ICE2: variants seen among roughly 807,000 people sequenced by gnomAD.
The protein encoded by ICE2 is interactor of little elongation complex ELL subunit 2, also known as little elongation complex subunit 2.
ICE2 carries 87 observed loss-of-function variants against 105.4 expected under a neutral mutation model. The observed-to-expected ratio is 0.83, with a 90% CI of 0.69 to 0.99. ICE2 has a LOEUF of 0.99. Among genes scored for constraint, ICE2 ranks in the 50% least tolerant of loss-of-function variants. The pLI is 0.00. For missense variants in ICE2, 1,323 were observed against 1,146.7 expected (o/e 1.15, Z -2.22); for synonymous variants, 399 against 392.0 (o/e 1.02, Z -0.21).
At chr15:60,439,375 CTTTT>C (rs2063669520) in intron 12 of ICE2, 1 of 152,138 alleles carries the variant, frequency 6.6e-6, no homozygotes, top group Admixed American at 6.5e-5. Flanking sequence ...TGCATCTTTT[CTTTT>C]TCTTTTTTTT....
At chr15:60,478,790 G>A (rs1052592707) in intron 1 of ICE2, 5 of 362,384 alleles carry the variant, frequency 1.4e-5, no homozygotes, top group Non-Finnish European at 2.2e-5. Flanking sequence ...AGAAACGGCT[G>A]AGGGAAAGGG....
intron 11 of ICE2, chr15:60,445,832 G>A: frequency 9.5e-6 from 9 of 950,456 alleles, no homozygotes; most frequent in Non-Finnish European, 7.5e-6. Context: ...CACAGAGTAG[G>A]AAGTTAAAGA....
chr15:60,468,236 A>C lies in ICE2; in HGVS notation c.233T>G (p.Val78Gly). Residue 78 changes from valine (V) to glycine (G), a missense_variant, in exon 4 of 16, where the codon GTT becomes GGT. Transcript: ENST00000261520. ...VSSATQAKEKVKTTIGMVLLP... is the reference protein window; with the variant it reads ...VSSATQAKEKGKTTIGMVLLP... ...AAGAACCATTCCAATTGTGGTTTTA[A>C]CTTTTTCCTTTGCTTGAGTTGCTGA... The C allele has an allele frequency of 1.2e-6, 2 of 1,613,968 alleles. No individual in the cohort carries two copies. The highest frequency in any genetic ancestry group is 1.7e-6 in the Non-Finnish European group (2 of 1,179,898).
intron 5 of ICE2, among the ~76,000 whole-genome samples, chr15:60,460,715 C>G (rs528654912): frequency 6.6e-6 from 1 of 152,272 alleles, no homozygotes; most frequent in South Asian, 2.1e-4. Context: ...GCACCCCTAC[C>G]AAGCTCTAGA....
Position 60,436,440 on chromosome 15 carries a change from C to G in ICE2, c.2426-213G>C, listed in dbSNP as rs1335501606. On this transcript the variant is annotated intron_variant, in intron 12 of 15. Transcript: ENST00000261520. ...AGATTATAAAACATTTATATTCATT[C>G]TAAAATATTTGCTGAATATATGTTT... 2.0e-5 allele frequency among the ~76,000 whole-genome samples: 3 copies of G among 149,646 alleles called. 1 individual carries two copies. The highest frequency in any genetic ancestry group is 4.5e-5 in the Non-Finnish European group (3 of 66,596).
intron 11 of ICE2, 182 bp from the exon 12 acceptor site, chr15:60,442,727 T>C: frequency 4.3e-6 from 2 of 461,450 alleles, no homozygotes; most frequent in South Asian, 8.3e-5. Context: ...AGAAGAATGT[T>C]TGGTGCCAAA....
In ICE2 at chr15:60,433,446, T is replaced by G. The variant is rs185355903; in HGVS notation, c.2511-1462A>C. Among the ~76,000 whole-genome samples, 51 of 152,138 alleles carry G rather than the reference T, an allele frequency of 3.4e-4. No homozygotes were observed. The East Asian group carries it at 9.1e-3, about 27-fold the overall frequency. ...TCTAGACCTAAAGTCCGTCTGTCCA[T>G]CCTTCCTTTCTTCCTTTTCTTCTCT... On this transcript the variant is annotated intron_variant, in intron 13 of 15. Coordinates refer to ENST00000261520, the MANE Select transcript of ICE2 (RefSeq NM_024611.6).
In ICE2 at chr15:60,452,703, T is replaced by C. The variant is rs541680057; in HGVS notation, c.1125+900A>G. 9 of 183,844 alleles carry C rather than the reference T, an allele frequency of 4.9e-5. No homozygotes were observed. The South Asian group carries it at 1.7e-3, about 34-fold the overall frequency. The allele number at this position is 183,844 out of a possible 1,614,324, so 11.4% of individuals were successfully genotyped here. A position where few individuals can be genotyped will look rare whatever the true frequency, so the allele number is the denominator to read the frequency against. On this transcript the variant is annotated intron_variant, in intron 9 of 15. Transcript: ENST00000261520. The stretch of plus-strand genomic sequence containing the variant: ...ATAATAAAAGCTAATATTTACAGAG[T>C]GCCAAGTGTTACTCTAAATGCTTTA...
At chr15:60,449,886 AC>A (rs753534272) in intron 9 of ICE2, 45 bp from the exon 10 acceptor site, 2 of 1,407,800 alleles carry the variant, frequency 1.4e-6, no homozygotes, top group East Asian at 2.3e-5. Flanking sequence ...ATTTCAAGCC[AC>A]CCTACCTATC....
intron 3 of ICE2, among the ~76,000 whole-genome samples, chr15:60,472,309 C>G (rs1303574694): frequency 6.6e-6 from 1 of 151,846 alleles, no homozygotes; most frequent in Non-Finnish European, 1.5e-5. Context: ...TTGAAATTAA[C>G]AGAATAAAAG....
At chr15:60,458,728 C>G (rs1437285453) in intron 5 of ICE2, among the ~76,000 whole-genome samples, 1 of 152,094 alleles carries the variant, frequency 6.6e-6, no homozygotes, top group Non-Finnish European at 1.5e-5. Context: ...ATGTAATACA[C>G]ACGCGCACAC....
In ICE2 at chr15:60,455,019, T is replaced by A. The variant is rs1343169645; in HGVS notation, c.927A>T (p.Gln309His). 1 of 1,563,182 alleles carries A rather than the reference T, an allele frequency of 6.4e-7. No homozygotes were observed. Among genetic ancestry groups the A allele is most frequent in the African/African-American group, 1.4e-5 (1 of 72,270 alleles). ...KEQWEIPVCI[Q>H]VIPVAGSKPV... ...ATTACAAACCTGCAACAGGTATTAC[T>A]TGAATACACACTGGAATTTCCCACT... The change falls in exon 8 of 16, where the codon CAA becomes CAT. Residue 309 changes from glutamine to histidine, a missense_variant. Transcript: ENST00000261520.
intron 15 of ICE2, among the ~76,000 whole-genome samples, chr15:60,427,398 T>C (rs978733966): frequency 1.3e-5 from 2 of 152,184 alleles, no homozygotes; most frequent in Admixed American, 1.3e-4. Context: ...TTCAGAGTCA[T>C]TTGTAGAGAG....
At chr15:60,472,101 T>C (rs1262058981) in intron 3 of ICE2, among the ~76,000 whole-genome samples, 1 of 152,074 alleles carries the variant, frequency 6.6e-6, no homozygotes, top group East Asian at 1.9e-4. Flanking sequence ...CATGAACGGC[T>C]CATGGGTCAT....
chr15:60,448,848 G>T lies in ICE2; in HGVS notation c.2119C>A (p.Arg707=), dbSNP rs761330695. ...WPSAFQKPKG[R]LPYELQDYVE... ...AAGCTCTTTGTAAATATTTACTTAC[G>T]TCCTTTTGGCTTCTGAAATGCAGAA... Residue 707 remains arginine, a splice_region_variant and synonymous_variant, in exon 10 of 16, where the codon CGA becomes AGA. Transcript: ENST00000261520. 1.3e-6 allele frequency: 2 copies of T among 1,573,190 alleles called. No individual in the cohort carries two copies. Among genetic ancestry groups the T allele is most frequent in the Non-Finnish European group, 1.7e-6 (2 of 1,165,396 alleles).
At chr15:60,463,487 A>C (rs1022319949) in intron 5 of ICE2, among the ~76,000 whole-genome samples, 10 of 152,248 alleles carry the variant, frequency 6.6e-5, no homozygotes, top group African/African-American at 2.4e-4. Context: ...AAATCAGGCA[A>C]AAAGGGCCAA....
intron 8 of ICE2, chr15:60,454,780 T>C (rs367693233): frequency 4.9e-6 from 2 of 407,894 alleles, no homozygotes; most frequent in East Asian, 7.7e-5. Context: ...GGTGGTTTGC[T>C]GCACGTATCA....
In ICE2 at chr15:60,425,095, C is replaced by T. The variant is rs142109863; in HGVS notation, c.2821-1333G>A. 4.5e-3 allele frequency among the ~76,000 whole-genome samples: 682 copies of T among 152,306 alleles called. 6 individuals carry two copies. The highest frequency in any genetic ancestry group is 0.015 in the African/African-American group (627 of 41,558). On this transcript the variant is annotated intron_variant, in intron 15 of 15. Coordinates refer to ENST00000261520, the MANE Select transcript of ICE2 (RefSeq NM_024611.6). ...GCTAGCCCAACAGAAATACTATTGG[C>T]ATTTGCTCCAAGGGGTTACAGACTC...
At chr15:60,424,596 C>T (rs2063300266) in intron 15 of ICE2, among the ~76,000 whole-genome samples, 1 of 152,174 alleles carries the variant, frequency 6.6e-6, no homozygotes, top group African/African-American at 2.4e-5. Flanking sequence ...CAACCTCCAC[C>T]TCCTGGGTTC....
Sources: allele counts gnomAD v4.1 joint callset (sites outside exome capture counted in the v4.1 genomes callset), GRCh38; gene constraint gnomAD v4.1.1; transcripts MANE v1.5; gene names NCBI Gene and HGNC (gene_info 2026-07-23, HGNC 2026-07-21).